The following SCLY variants were observed in gnomAD, a reference collection of about 807,000 sequenced individuals.
The protein encoded by SCLY is selenocysteine lyase, also known as putative selenocysteine lyase.
In SCLY, 38 loss-of-function variants were observed where a neutral mutation model predicts 50.1. That is an observed-to-expected ratio of 0.76 (90% CI 0.59 to 0.99). SCLY has a LOEUF of 0.99. Among genes scored for constraint, SCLY ranks in the 50% least tolerant of loss-of-function variants. SCLY has a pLI of 0.00. For synonymous variants in SCLY, 243 were observed against 249.4 expected (o/e 0.97, Z 0.24); for missense variants, 600 against 620.0 (o/e 0.97, Z 0.34).
Position 238,098,651 on chromosome 2 carries a change from C to CCGCCCACATAGAACCGCCCACATGGGAA in SCLY, c.*312_*313insCCCACATGGGAACGCCCACATAGAACCG, listed in dbSNP as rs1691348630. Reference sequence around the variant, plus strand: ...CCCACATGGGACCGCCCACATGGGACCGCCCACATAGAACCGTCCTCCAGT... The same window carrying CCGCCCACATAGAACCGCCCACATGGGAA: ...CCCACATGGGACCGCCCACATGGGACCGCCCACATAGAACCGCCCACATGGGAACGCCCACATAGAACCGTCCTCCAGT... On this transcript the variant is annotated 3_prime_UTR_variant, in exon 12 of 12. Coordinates refer to ENST00000254663, the MANE Select transcript of SCLY (RefSeq NM_016510.7). 18 of 322,040 alleles carry CCGCCCACATAGAACCGCCCACATGGGAA rather than the reference C, an allele frequency of 5.6e-5. 3 individuals are homozygous for CCGCCCACATAGAACCGCCCACATGGGAA. The highest frequency in any genetic ancestry group is 8.7e-5 in the Non-Finnish European group (16 of 184,780). 19.9% of individuals were successfully genotyped at this position (322,040 alleles called of 1,614,324 possible).
chr2:238,098,099 C>A (rs865978582), intron 11 of SCLY, 103 bp from the exon 12 acceptor site: 35 of 1,381,574 alleles, frequency 2.5e-5, no homozygotes, highest in Non-Finnish European at 3.2e-5. Context: ...GGCGCACATC[C>A]GGGTGGGCAG....
At chr2:238,096,779 G>C (rs545554757) in intron 10 of SCLY, 22 bp from the exon 11 acceptor site, 14 of 1,599,910 alleles carry the variant, frequency 8.8e-6, no homozygotes, top group Admixed American at 8.6e-5. Flanking sequence ...CCATCTCAGG[G>C]GCATGTGCTC....
Position 238,083,033 on chromosome 2 carries a change from C to T in SCLY, c.778-215C>T, listed in dbSNP as rs1192693045. 1.6e-6 allele frequency: 1 copy of T among 644,320 alleles called. No individual in the cohort carries two copies. The highest frequency in any genetic ancestry group is 1.8e-5 in the African/African-American group (1 of 55,598). 39.9% of individuals were successfully genotyped at this position (644,320 alleles called of 1,614,324 possible). On this transcript the variant is annotated intron_variant, in intron 6 of 11. Coordinates refer to ENST00000254663, the MANE Select transcript of SCLY (RefSeq NM_016510.7). The surrounding 1 kb of genome is among the most constrained non-coding windows in gnomAD (Gnocchi z 4.3). ...CACAGAGCTGAGCACGAGAGTCTAG[C>T]ACCTGCGCTGCCTCCTAGGTTGGGG...
At chr2:238,091,297 C>T (rs1442558389) in intron 8 of SCLY, 43 bp downstream of exon 8, 8 of 1,543,402 alleles carry the variant, frequency 5.2e-6, no homozygotes, top group Non-Finnish European at 7.2e-6. Context: ...ATTGCTTTGT[C>T]ATCAGTGTCC....
At chr2:238,061,177 C>T in intron 1 of SCLY, 34 bp downstream of exon 1, 2 of 1,433,668 alleles carry the variant, frequency 1.4e-6, no homozygotes, top group East Asian at 2.5e-5. Context: ...GGGGAGCGGC[C>T]GGCGCCTGTC....
At chr2:238,062,424 A>C (rs1282264116) in intron 1 of SCLY, among the ~76,000 whole-genome samples, 1 of 138,988 alleles carries the variant, frequency 7.2e-6, no homozygotes, top group Non-Finnish European at 1.6e-5. Flanking sequence ...TTTTTTTTTT[A>C]ATTGAGATGG....
intron 9 of SCLY, 163 bp from the exon 10 acceptor site, chr2:238,094,257 A>C: frequency 3.0e-6 from 2 of 661,136 alleles, no homozygotes; most frequent in Non-Finnish European, 5.2e-6. Flanking sequence ...TCTCCTAATT[A>C]ACTTTGCTTT....
chr2:238,067,984 T>G lies in SCLY; in HGVS notation c.203-81T>G. ...ACGGCCCACGCAGACCTCTTATTCC[T>G]TTGTATTTGGTTGTCCTTTTAGATG... is the stretch of plus-strand genomic sequence containing the variant. On this transcript the variant is annotated intron_variant, in intron 2 of 11. Coordinates refer to ENST00000254663, the MANE Select transcript of SCLY (RefSeq NM_016510.7). The surrounding 1 kb of genome is among the most constrained non-coding windows in gnomAD (Gnocchi z 4.3). 1 of 1,041,460 alleles carries G rather than the reference T, an allele frequency of 9.6e-7. No individual in the cohort carries two copies. Among genetic ancestry groups the G allele is most frequent in the Non-Finnish European group, 1.4e-6 (1 of 691,686 alleles). 64.5% of individuals were successfully genotyped at this position (1,041,460 alleles called of 1,614,324 possible).
chr2:238,070,274 G>A (rs2106438769), intron 4 of SCLY, among the ~76,000 whole-genome samples: 1 of 152,316 alleles, frequency 6.6e-6, no homozygotes, highest in Middle Eastern at 3.4e-3. Flanking sequence ...GAGTTTTCTT[G>A]TGTAATCTGT....
At chr2:238,091,555 C>CGAGATCTACA in intron 8 of SCLY, 2 of 347,458 alleles carry the variant, frequency 5.8e-6, no homozygotes, top group Non-Finnish European at 1.1e-5. Context: ...TTCACCATTC[C>CGAGATCTACA]CAAAGGCGTC....
chr2:238,098,647 G>T lies in SCLY; in HGVS notation c.*292G>T. ...ACCGCCCACATGGGACCGCCCACAT[G>T]GGACCGCCCACATAGAACCGTCCTC... On this transcript the variant is annotated 3_prime_UTR_variant, in exon 12 of 12. Coordinates refer to ENST00000254663, the MANE Select transcript of SCLY (RefSeq NM_016510.7). 5.1e-6 allele frequency: 1 copy of T among 197,934 alleles called. No homozygotes were observed. The allele number at this position is 197,934 out of a possible 1,614,324, so 12.3% of individuals were successfully genotyped here. A position where few individuals can be genotyped will look rare whatever the true frequency, so the allele number is the denominator to read the frequency against.
intron 7 of SCLY, among the ~76,000 whole-genome samples, chr2:238,090,676 T>C (rs1030930486): frequency 2.0e-5 from 3 of 152,210 alleles, no homozygotes; most frequent in Non-Finnish European, 4.4e-5. Flanking sequence ...AATTTTTTTT[T>C]CCTGAAAATA....
intron 4 of SCLY, among the ~76,000 whole-genome samples, chr2:238,078,133 T>C (rs1224771409): frequency 6.6e-6 from 1 of 152,100 alleles, no homozygotes; most frequent in Non-Finnish European, 1.5e-5. Flanking sequence ...TTTGTATTTT[T>C]AGTAGAGACG....
At chr2:238,062,750 A>G (rs1038473762) in intron 1 of SCLY, among the ~76,000 whole-genome samples, 2 of 152,246 alleles carry the variant, frequency 1.3e-5, no homozygotes, top group Non-Finnish European at 2.9e-5. Flanking sequence ...CTTCATTTCA[A>G]CTAATGCACA....
intron 4 of SCLY, chr2:238,080,038 T>C (rs2065218878): frequency 6.6e-6 from 1 of 152,230 alleles, no homozygotes; most frequent in Admixed American, 6.5e-5. Context: ...TGACTAAATG[T>C]ATTTTCTGCC....
In SCLY at chr2:238,067,006, A is replaced by G. The variant is rs1377619572; in HGVS notation, c.203-1059A>G. On this transcript the variant is annotated intron_variant, in intron 2 of 11. Transcript: ENST00000254663. The surrounding 1 kb of genome is among the most constrained non-coding windows in gnomAD (Gnocchi z 4.3). ...ACTAGCATGGGAAAGACCTGCCGCC[A>G]TGATTCAGTTACCTCCCACCGGGTC... Among the ~76,000 whole-genome samples the G allele has an allele frequency of 6.6e-6, 1 of 152,180 alleles. No homozygotes were observed. The highest frequency in any genetic ancestry group is 1.5e-5 in the Non-Finnish European group (1 of 68,034).
intron 1 of SCLY, among the ~76,000 whole-genome samples, chr2:238,063,551 CA>C (rs1161883471): frequency 6.6e-6 from 1 of 152,124 alleles, no homozygotes; most frequent in Non-Finnish European, 1.5e-5. Flanking sequence ...AGCTGCAGGG[CA>C]GGGGGTCTCA....
In SCLY at chr2:238,098,579, G is replaced by GACCGCCCACATGGGACCGCCGACATAGA; in HGVS notation, c.*235_*236insGGGACCGCCGACATAGAACCGCCCACAT. The GACCGCCCACATGGGACCGCCGACATAGA allele has an allele frequency of 2.5e-6, 1 of 394,176 alleles. No homozygotes were observed. The highest frequency in any genetic ancestry group is 4.2e-6 in the Non-Finnish European group (1 of 236,140). 24.4% of individuals were successfully genotyped at this position (394,176 alleles called of 1,614,324 possible). ...ACGCCGCATAGGACTGCCCACATGG[G>GACCGCCCACATGGGACCGCCGACATAGA]ACCGCCCACATAGGACCGCCCACAT... On this transcript the variant is annotated 3_prime_UTR_variant, in exon 12 of 12. Coordinates refer to ENST00000254663, the MANE Select transcript of SCLY (RefSeq NM_016510.7).
intron 8 of SCLY, 74 bp downstream of exon 8, chr2:238,091,328 C>CTG: frequency 3.2e-6 from 4 of 1,243,672 alleles, no homozygotes; most frequent in Non-Finnish European, 4.8e-6. Flanking sequence ...TAGTAGGAAT[C>CTG]TGGGGCTTTA....
Sources: gnomAD v4.1 joint callset for allele counts (sites outside exome capture counted in the v4.1 genomes callset) on GRCh38, gnomAD v4.1.1 for gene constraint, Gnocchi (gnomAD v3.1) non-coding constraint, MANE v1.5 for transcripts, NCBI Gene and HGNC (gene_info 2026-07-23, HGNC 2026-07-21) for gene names.